The following PHKG1 variants were observed in gnomAD, a reference collection of about 807,000 sequenced individuals.
PHKG1 encodes phosphorylase b kinase gamma catalytic chain, skeletal muscle/heart isoform.
In PHKG1, 48 loss-of-function variants were observed where a neutral mutation model predicts 50.5. The observed-to-expected ratio is 0.95, with a 90% CI of 0.75 to 1.21. PHKG1 has a LOEUF of 1.21. Among genes scored for constraint, PHKG1 ranks in the 50% most tolerant of loss-of-function variants. PHKG1 has a pLI of 0.00. For synonymous variants in PHKG1, 204 were observed against 212.8 expected (o/e 0.96, Z 0.36); for missense variants, 487 against 519.5 (o/e 0.94, Z 0.61).
At chr7:56,085,316 T>G (rs181445285) in intron 4 of PHKG1, among the ~76,000 whole-genome samples, 3 of 152,260 alleles carry the variant, frequency 2.0e-5, no homozygotes, top group Admixed American at 2.0e-4. Flanking sequence ...CAGGCTGGTC[T>G]CAAACTCCTG....
At position 56,080,914 on chromosome 7, in the gene PHKG1, G is replaced by A; in HGVS notation, c.*140C>T. 7.5e-6 allele frequency: 7 copies of A among 933,192 alleles called. No individual in the cohort carries two copies. The Admixed American group carries it at 7.8e-5, about 10-fold the overall frequency. The allele number at this position is 933,192 out of a possible 1,614,324, so 57.8% of individuals were successfully genotyped here. On this transcript the variant is annotated 3_prime_UTR_variant, in exon 10 of 10. Transcript: ENST00000297373. ...TGTGCACAGCCTTTGAGAGGGGATC[G>A]TGGCCTCAGTTCCAGGGGTTCCTGG...
intron 4 of PHKG1, among the ~76,000 whole-genome samples, chr7:56,083,954 C>A (rs1003558723): frequency 2.0e-5 from 3 of 152,184 alleles, no homozygotes; most frequent in Non-Finnish European, 4.4e-5. Flanking sequence ...CTCATCAACC[C>A]TCCGAGGAAT....
intron 1 of PHKG1, 74 bp from the exon 2 acceptor site, chr7:56,089,049 TCTCA>T (rs776008791): frequency 5.1e-5 from 36 of 699,794 alleles, no homozygotes; most frequent in African/African-American, 8.8e-5. Flanking sequence ...TGGAACTGTT[TCTCA>T]CTCATCCTTA....
chr7:56,080,947 C>A lies in PHKG1; in HGVS notation c.*107G>T. 4 of 1,352,792 alleles carry A rather than the reference C, an allele frequency of 3.0e-6. No homozygotes were observed. The highest frequency in any genetic ancestry group is 4.0e-6 in the Non-Finnish European group (4 of 992,330). The allele number at this position is 1,352,792 out of a possible 1,614,324, so 83.8% of individuals were successfully genotyped here. A position where few individuals can be genotyped will look rare whatever the true frequency, so the allele number is the denominator to read the frequency against. ...AGTTCCAGGGGTTCCTGGCCAGGGC[C>A]AAGTGCTCCTTCTGCAGAGGCCTGC... On this transcript the variant is annotated 3_prime_UTR_variant, in exon 10 of 10. Transcript: ENST00000297373.
In PHKG1 at chr7:56,080,716, AG is replaced by A. The variant is rs1459124467; in HGVS notation, c.*337del. 3 of 337,200 alleles carry A rather than the reference AG, an allele frequency of 8.9e-6. No homozygotes were observed. 20.9% of individuals were successfully genotyped at this position (337,200 alleles called of 1,614,324 possible). A position where few individuals can be genotyped will look rare whatever the true frequency, so the allele number is the denominator to read the frequency against. On this transcript the variant is annotated 3_prime_UTR_variant, in exon 10 of 10. Coordinates refer to ENST00000297373, the MANE Select transcript of PHKG1 (RefSeq NM_006213.5). ...TCACCCTGTGACCCTAAGGGAAGAA[AG>A]CCTGAGTGTCAGTAACTCTGGGCCT...
At chr7:56,092,019 C>T (rs1796508735) in intron 1 of PHKG1, among the ~76,000 whole-genome samples, 1 of 152,266 alleles carries the variant, frequency 6.6e-6, no homozygotes, top group Admixed American at 6.5e-5. Context: ...TCCTCTCCCC[C>T]AGCCCTCCAT....
chr7:56,081,907 TGTCCGA>T lies in PHKG1; in HGVS notation c.772_777del (p.Ser258_Asp259del), dbSNP rs774424794. 1 of 1,613,546 alleles carries T rather than the reference TGTCCGA, an allele frequency of 6.2e-7. No homozygotes were observed. Among genetic ancestry groups the T allele is most frequent in the Non-Finnish European group, 8.5e-7 (1 of 1,179,950 alleles). ...TGGCCTCTCACCAGGTCCTTCACGGTGTCCGAGTAATCATCCCACTCGGGCGAGCCA... is the reference window on the plus strand; with the variant it reads ...TGGCCTCTCACCAGGTCCTTCACGGTGTAATCATCCCACTCGGGCGAGCCA... On this transcript the variant is annotated inframe_deletion, in exon 8 of 10. Coordinates refer to ENST00000297373, the MANE Select transcript of PHKG1 (RefSeq NM_006213.5). This position sits in a 1 kb window ranked among gnomAD's most constrained non-coding sequence, Gnocchi z 4.6.
At position 56,080,880 on chromosome 7, in the gene PHKG1, C is replaced by T. The variant is rs1795938769; in HGVS notation, c.*174G>A. 1.4e-5 allele frequency: 10 copies of T among 737,742 alleles called. 1 individual carries two copies. In the South Asian group the frequency reaches 1.9e-4, roughly 14 times the overall value. 45.7% of individuals were successfully genotyped at this position (737,742 alleles called of 1,614,324 possible). ...GGTATTGCTGTGTGGTGGGAACACCCACTTCCCTTGTGCACAGCCTTTGAG... is the reference window on the plus strand; with the variant it reads ...GGTATTGCTGTGTGGTGGGAACACCTACTTCCCTTGTGCACAGCCTTTGAG... On this transcript the variant is annotated 3_prime_UTR_variant, in exon 10 of 10. Coordinates refer to ENST00000297373, the MANE Select transcript of PHKG1 (RefSeq NM_006213.5).
In PHKG1 at chr7:56,080,886, C is replaced by T. The variant is rs573157759; in HGVS notation, c.*168G>A. On this transcript the variant is annotated 3_prime_UTR_variant, in exon 10 of 10. Transcript: ENST00000297373. ...GCTGTGTGGTGGGAACACCCACTTCCCTTGTGCACAGCCTTTGAGAGGGGA... is the reference window on the plus strand; with the variant it reads ...GCTGTGTGGTGGGAACACCCACTTCTCTTGTGCACAGCCTTTGAGAGGGGA... 2.6e-6 allele frequency: 2 copies of T among 771,736 alleles called. No homozygotes were observed. Among genetic ancestry groups the T allele is most frequent in the East Asian group, 5.4e-5 (2 of 36,990 alleles). 47.8% of individuals were successfully genotyped at this position (771,736 alleles called of 1,614,324 possible). A position where few individuals can be genotyped will look rare whatever the true frequency, so the allele number is the denominator to read the frequency against.
At chr7:56,084,119 G>C in intron 4 of PHKG1, 1 of 1,242,428 alleles carries the variant, frequency 8.0e-7, no homozygotes, top group Non-Finnish European at 1.1e-6. Context: ...GAAGCAATGG[G>C]CCCCGAGCTG....
intron 3 of PHKG1, among the ~76,000 whole-genome samples, chr7:56,087,351 G>A (rs1008682184): frequency 6.6e-6 from 1 of 151,864 alleles, no homozygotes. Context: ...CCTCCCGAGT[G>A]GCTGGGATTA....
chr7:56,088,656 C>G (rs1470114670), intron 2 of PHKG1: 3 of 499,690 alleles, frequency 6.0e-6, no homozygotes, highest in Non-Finnish European at 1.1e-5. Flanking sequence ...TGCGCCTGCC[C>G]CTGGGAACTT....
In PHKG1 at chr7:56,083,366, G is replaced by C. The variant is rs150097641; in HGVS notation, c.459C>G (p.Pro153=). ...TGTTGTCATCCAAGAGAATGTTCTC[G>C]GGCTTCAGGTCCCGGTGCACGATGT... ...KLNIVHRDLK[P]ENILLDDNMN... Residue 153 remains proline (P), a synonymous_variant, in exon 6 of 10, where the codon CCC becomes CCG. Coordinates refer to ENST00000297373, the MANE Select transcript of PHKG1 (RefSeq NM_006213.5). 1 of 1,614,108 alleles carries C rather than the reference G, an allele frequency of 6.2e-7. No individual in the cohort carries two copies. Among genetic ancestry groups the C allele is most frequent in the South Asian group, 1.1e-5 (1 of 91,082 alleles).
rs1419212757 is a variant in PHKG1 at position 56,082,027 on chromosome 7, T to C, written c.658A>G (p.Met220Val). The C allele has an allele frequency of 1.2e-6, 2 of 1,613,532 alleles. No individual in the cohort carries two copies. Among genetic ancestry groups the C allele is most frequent in the East Asian group, 2.2e-5 (1 of 44,840 alleles). Reference protein sequence around the residue: ...EVDMWSTGVIMYTLLAGSPPF... With the variant: ...EVDMWSTGVIVYTLLAGSPPF... ...GGGGAGCCGGCCAGCAGCGTGTACA[T>C]GATGACGCCAGTGCTCCACCTGGAC... The change falls in exon 8 of 10, where the codon ATG becomes GTG. Residue 220 changes from methionine (M) to valine (V), a missense_variant. Coordinates refer to ENST00000297373, the MANE Select transcript of PHKG1 (RefSeq NM_006213.5).
intron 1 of PHKG1, among the ~76,000 whole-genome samples, chr7:56,089,720 C>T (rs557889857): frequency 2.9e-4 from 44 of 152,198 alleles, no homozygotes; most frequent in Admixed American, 1.0e-3. Flanking sequence ...GACAGGGTTT[C>T]GCCATGTTGG....
chr7:56,088,576 T>TG, intron 2 of PHKG1: 1 of 306,568 alleles, frequency 3.3e-6, no homozygotes, highest in Non-Finnish European at 6.0e-6. Flanking sequence ...AGGCTGATCT[T>TG]GAACTCTTGG....
intron 3 of PHKG1, 103 bp from the exon 4 acceptor site, chr7:56,087,127 A>G: frequency 1.2e-6 from 1 of 835,208 alleles, no homozygotes. Flanking sequence ...GCTAACTTCA[A>G]AAGCTGACAG....
chr7:56,091,688 AC>A (rs1796498313), intron 1 of PHKG1, among the ~76,000 whole-genome samples: 1 of 152,178 alleles, frequency 6.6e-6, no homozygotes, highest in South Asian at 2.1e-4. Flanking sequence ...GCCTGGTCTC[AC>A]AAAGGAGCCA....
chr7:56,090,723 C>T (rs1295215310), intron 1 of PHKG1, among the ~76,000 whole-genome samples: 1 of 152,186 alleles, frequency 6.6e-6, no homozygotes, highest in Admixed American at 6.6e-5. Flanking sequence ...GCAGGTACCC[C>T]TTTGGCTCAG....
Sources: allele counts gnomAD v4.1 joint callset (sites outside exome capture counted in the v4.1 genomes callset), GRCh38; gene constraint gnomAD v4.1.1; non-coding constraint Gnocchi (gnomAD v3.1); transcripts MANE v1.5; gene names NCBI Gene and HGNC (gene_info 2026-07-23, HGNC 2026-07-21).